The following HOXB3 variants were observed in gnomAD, a reference collection of about 807,000 sequenced individuals.
HOXB3 encodes the protein homeobox protein Hox-B3.
Under a neutral mutation model 29.2 loss-of-function variants are expected in HOXB3, and 17 were observed. The ratio of observed to expected loss-of-function variants is 0.58; its 90% CI spans 0.40 to 0.87. The LOEUF (loss-of-function observed/expected upper bound fraction) is 0.87. HOXB3 is among the 40% of genes least tolerant of loss of function. HOXB3 has a pLI of 0.00. For missense variants in HOXB3, 637 were observed against 616.3 expected (o/e 1.03, Z -0.35); for synonymous variants, 317 against 285.9 (o/e 1.11, Z -1.10).
intron 2 of HOXB3, among the ~76,000 whole-genome samples, chr17:48,561,430 T>C (rs1220515328): frequency 6.6e-6 from 1 of 152,210 alleles, no homozygotes; most frequent in African/African-American, 2.4e-5. Context: ...GAAAGAGGAA[T>C]AGTCCAGATT....
intron 2 of HOXB3, among the ~76,000 whole-genome samples, chr17:48,558,324 T>G (rs1457409205): frequency 6.6e-6 from 1 of 151,982 alleles, no homozygotes; most frequent in East Asian, 1.9e-4. Flanking sequence ...CTCAACTCTT[T>G]GTGGTCCCTC....
intron 2 of HOXB3, 83 bp downstream of exon 2, chr17:48,573,754 G>A: frequency 3.0e-6 from 2 of 662,842 alleles, no homozygotes; most frequent in Non-Finnish European, 5.4e-6. Flanking sequence ...AAAGGAAGAG[G>A]CGAGAGAGTG....
In HOXB3 at chr17:48,576,745, T is replaced by C. The variant is rs956781625; in HGVS notation, c.-424-2731A>G. On this transcript the variant is annotated intron_variant, in intron 1 of 4. Transcript: ENST00000498678. ...CACTAGAGCGCGCGGGGGCCTCCAT[T>C]GGGCCGGCCAGGGGGCCCTCCGGCT... The C allele has an allele frequency of 8.2e-6, 13 of 1,593,400 alleles. No individual in the cohort carries two copies. Among genetic ancestry groups the C allele is most frequent in the Middle Eastern group, 1.7e-4 (1 of 5,972 alleles).
chr17:48,556,211 T>G (rs1597820909), intron 2 of HOXB3, among the ~76,000 whole-genome samples: 4 of 145,590 alleles, frequency 2.7e-5, no homozygotes, highest in African/African-American at 2.5e-5. Context: ...GAGGAAGAGG[T>G]GAGCAAAGGC....
rs765540492 is a variant in HOXB3, at chr17:48,550,319, G to A, written c.*15C>T. The A allele has an allele frequency of 1.9e-6, 3 of 1,613,438 alleles. No individual in the cohort carries two copies. The highest frequency in any genetic ancestry group is 2.5e-6 in the Non-Finnish European group (3 of 1,179,948). ...TCTTCCTCCCCATCCCCTAATCCTCGTTCGCCCTTTCCCATCACAGGTGTG... is the reference window on the plus strand; with the variant it reads ...TCTTCCTCCCCATCCCCTAATCCTCATTCGCCCTTTCCCATCACAGGTGTG... On this transcript the variant is annotated 3_prime_UTR_variant, in exon 5 of 5. Coordinates refer to ENST00000498678, the MANE Select transcript of HOXB3 (RefSeq NM_001384749.1).
chr17:48,570,926 A>G (rs145583719), intron 2 of HOXB3, among the ~76,000 whole-genome samples: 2 of 152,340 alleles, frequency 1.3e-5, no homozygotes, highest in African/African-American at 4.8e-5. Context: ...ACACTCTGCT[A>G]AAGTCTAAAA....
In HOXB3 at chr17:48,549,449, G is replaced by GGACA. The variant is rs4646991; in HGVS notation, c.*881_*884dup. 0.86 allele frequency: 130,704 copies of GGACA among 152,194 alleles called. 56,544 individuals carry two copies. Among genetic ancestry groups the GGACA allele is most frequent in the Non-Finnish European group, 0.91 (61,852 of 67,924 alleles). The allele number at this position is 152,194 out of a possible 1,614,324, so 9.4% of individuals were successfully genotyped here. A position where few individuals can be genotyped will look rare whatever the true frequency, so the allele number is the denominator to read the frequency against. On this transcript the variant is annotated 3_prime_UTR_variant, in exon 5 of 5. Coordinates refer to ENST00000498678, the MANE Select transcript of HOXB3 (RefSeq NM_001384749.1). The stretch of plus-strand genomic sequence containing the variant: ...ACAGGCCCTGCCCAGCCCCTGCCTG[G>GGACA]GACAGTTTGTTCAAATATACCCTGT...
intron 2 of HOXB3, among the ~76,000 whole-genome samples, chr17:48,569,588 A>G (rs1018435276): frequency 2.6e-5 from 4 of 152,126 alleles, no homozygotes; most frequent in African/African-American, 9.7e-5. Context: ...TTTAGGATTA[A>G]GGTTCCCTCC....
At chr17:48,580,081 T>C (rs562677742) in intron 1 of HOXB3, 1 of 373,166 alleles carries the variant, frequency 2.7e-6, no homozygotes, top group African/African-American at 2.3e-5. Flanking sequence ...AGTGCGAGTC[T>C]GTTCTTGGGA....
At position 48,555,698 on chromosome 17, in the gene HOXB3, C is replaced by T. The variant is rs567654560; in HGVS notation, c.-246-80G>A. The T allele has an allele frequency of 3.8e-4, 264 of 688,620 alleles. 3 individuals are homozygous for T. The East Asian group carries it at 7.0e-3, about 18-fold the overall frequency. The allele number at this position is 688,620 out of a possible 1,614,324, so 42.7% of individuals were successfully genotyped here. On this transcript the variant is annotated intron_variant, in intron 2 of 4. Coordinates refer to ENST00000498678, the MANE Select transcript of HOXB3 (RefSeq NM_001384749.1). The stretch of plus-strand genomic sequence containing the variant: ...CCCCGCCCCCGCCCCGCAAAGCCAC[C>T]CCGGCTGGGGAGCCCGAGGGGCAGA...
In HOXB3 at chr17:48,573,843, G is replaced by T. The variant is rs1241345352; in HGVS notation, c.-253C>A. On this transcript the variant is annotated 5_prime_UTR_variant, in exon 2 of 5. Transcript: ENST00000498678. ...CGGGCCCGGGCTTTGTTACCTTTGCGCCTCTCGCCTCCTCTCGCCCGAACT... is the reference window on the plus strand; with the variant it reads ...CGGGCCCGGGCTTTGTTACCTTTGCTCCTCTCGCCTCCTCTCGCCCGAACT... 1 of 702,056 alleles carries T rather than the reference G, an allele frequency of 1.4e-6. No homozygotes were observed. Among genetic ancestry groups the T allele is most frequent in the African/African-American group, 1.7e-5 (1 of 57,196 alleles). 43.5% of individuals were successfully genotyped at this position (702,056 alleles called of 1,614,324 possible). A position where few individuals can be genotyped will look rare whatever the true frequency, so the allele number is the denominator to read the frequency against.
intron 1 of HOXB3, chr17:48,581,983 T>G (rs1238650591): frequency 6.6e-6 from 1 of 152,058 alleles, no homozygotes; most frequent in Non-Finnish European, 1.5e-5. Context: ...AATAGTAAAA[T>G]AAGAGCAGGG....
intron 1 of HOXB3, among the ~76,000 whole-genome samples, chr17:48,584,956 G>T (rs1476621490): frequency 2.0e-5 from 1 of 49,086 alleles, no homozygotes; most frequent in Non-Finnish European, 3.9e-5. Context: ...CGCCTCCGCC[G>T]CTCCCACTCA....
chr17:48,576,315 G>A (rs2144882164), intron 1 of HOXB3: 1 of 158,056 alleles, frequency 6.3e-6, no homozygotes, highest in African/African-American at 2.4e-5. Context: ...CTTCTCCTCG[G>A]CAGAGGAAAC....
Position 48,557,743 on chromosome 17 carries a change from T to C in HOXB3, c.-246-2125A>G, listed in dbSNP as rs2069045324. 2.0e-5 allele frequency among the ~76,000 whole-genome samples: 3 copies of C among 152,174 alleles called. No homozygotes were observed. The South Asian group carries it at 6.2e-4, about 32-fold the overall frequency. ...GAGCTATTTTTCTGTGTTTATTAGC[T>C]ATTATTCTGTGTTTATTAGTATTTT... is the stretch of plus-strand genomic sequence containing the variant. On this transcript the variant is annotated intron_variant, in intron 2 of 4. Coordinates refer to ENST00000498678, the MANE Select transcript of HOXB3 (RefSeq NM_001384749.1).
chr17:48,579,903 A>G, intron 1 of HOXB3: 1 of 521,910 alleles, frequency 1.9e-6, no homozygotes, highest in Admixed American at 2.0e-5. Context: ...AAAATTCCTT[A>G]CACAAATTCG....
intron 2 of HOXB3, among the ~76,000 whole-genome samples, chr17:48,569,480 T>G (rs2069510350): frequency 6.6e-6 from 1 of 150,720 alleles, no homozygotes; most frequent in Admixed American, 6.6e-5. Flanking sequence ...GGTGCAGAAA[T>G]AGTCTGCAGG....
chr17:48,588,217 A>C (rs990762948), intron 1 of HOXB3, among the ~76,000 whole-genome samples: 4 of 152,198 alleles, frequency 2.6e-5, no homozygotes, highest in African/African-American at 9.6e-5. Flanking sequence ...AGGGAGCCTG[A>C]AGTGGAGAAG....
At chr17:48,557,676 T>TG (rs1261945478) in intron 2 of HOXB3, among the ~76,000 whole-genome samples, 3 of 151,484 alleles carry the variant, frequency 2.0e-5, no homozygotes, top group African/African-American at 7.3e-5. Context: ...AGTTGACAGC[T>TG]GGGGGGAAGC....
Sources: allele counts gnomAD v4.1 joint callset (sites outside exome capture counted in the v4.1 genomes callset), GRCh38; gene constraint gnomAD v4.1.1; transcripts MANE v1.5; gene names NCBI Gene and HGNC (gene_info 2026-07-23, HGNC 2026-07-21).